EYA2: variants seen among roughly 807,000 people sequenced by gnomAD.
The protein encoded by EYA2 is EYA transcriptional coactivator and phosphatase 2.
In EYA2, 31 loss-of-function variants were observed where a neutral mutation model predicts 69.2. The ratio of observed to expected loss-of-function variants is 0.45; its 90% confidence interval spans 0.34 to 0.60. EYA2 has a LOEUF of 0.60. Ranked by LOEUF, EYA2 falls within the 20% of genes least tolerant of loss-of-function variation. The probability of loss-of-function intolerance (pLI) is 0.02; values close to 1 mark genes in which losing one functional copy is unlikely to be tolerated. For missense variants in EYA2, 622 were observed against 701.2 expected (o/e 0.89, Z 1.28); for synonymous variants, 257 against 279.4 (o/e 0.92, Z 0.80).
chr20:47,074,466 C>T (rs1407738350), intron 7 of EYA2, 131 bp downstream of exon 7: 12 of 960,858 alleles, frequency 1.2e-5, no homozygotes, highest in Non-Finnish European at 1.5e-5. Context: ...GGCCTGAGAG[C>T]TTCTCTGAAG....
chr20:47,086,967 A>G (rs73125545), intron 7 of EYA2, among the ~76,000 whole-genome samples: 1,761 of 152,274 alleles, frequency 0.012, 11 homozygotes, highest in Non-Finnish European at 0.02. Context: ...TAAACTACCA[A>G]GTGAACCAGG....
At chr20:47,176,953 G>A (rs1028819953) in intron 12 of EYA2, among the ~76,000 whole-genome samples, 8 of 151,566 alleles carry the variant, frequency 5.3e-5, no homozygotes, top group Admixed American at 3.9e-4. Flanking sequence ...CACCACACCC[G>A]GCTAATTTTT....
chr20:47,062,602 T>A lies in EYA2; in HGVS notation c.416-9583T>A, dbSNP rs1451163019. ...TTTCGAACTGAAAATATTTTGAAGA[T>A]CCCAAATCTCACCCAGATTCTGAGC... On this transcript the variant is annotated intron_variant, in intron 5 of 15. Coordinates refer to ENST00000327619, the MANE Select transcript of EYA2 (RefSeq NM_005244.5). Among the ~76,000 whole-genome samples the A allele has an allele frequency of 2.0e-5, 3 of 152,060 alleles. No individual in the cohort carries two copies. In the East Asian group the frequency reaches 5.8e-4, roughly 29 times the overall value.
chr20:47,027,368 A>C (rs1267423756), intron 5 of EYA2, among the ~76,000 whole-genome samples: 1 of 152,134 alleles, frequency 6.6e-6, no homozygotes, highest in Non-Finnish European at 1.5e-5. Context: ...CGAGTTCCCT[A>C]ATGTGAATCA....
At chr20:47,079,889 T>C (rs928831418) in intron 7 of EYA2, among the ~76,000 whole-genome samples, 11 of 152,252 alleles carry the variant, frequency 7.2e-5, no homozygotes, top group Admixed American at 7.2e-4. Flanking sequence ...TTTACTCATA[T>C]TCCATAAGGA....
At chr20:47,026,964 G>A (rs1039416725) in intron 5 of EYA2, among the ~76,000 whole-genome samples, 12 of 151,890 alleles carry the variant, frequency 7.9e-5, no homozygotes, top group Non-Finnish European at 1.5e-4. Flanking sequence ...ATACAAACAC[G>A]TATAAGGCTG....
chr20:47,071,632 G>A (rs2031317478), intron 5 of EYA2, among the ~76,000 whole-genome samples: 1 of 152,104 alleles, frequency 6.6e-6, no homozygotes, highest in South Asian at 2.1e-4. Flanking sequence ...CCAGGATCTG[G>A]GTAGTGGGCA....
At chr20:46,943,125 G>A (rs563739447) in intron 1 of EYA2, among the ~76,000 whole-genome samples, 53 of 152,290 alleles carry the variant, frequency 3.5e-4, no homozygotes, top group African/African-American at 9.9e-4. Context: ...CTCTGCCCCC[G>A]AGGGGACATT....
intron 10 of EYA2, among the ~76,000 whole-genome samples, chr20:47,146,404 A>G (rs1253421589): frequency 6.6e-6 from 1 of 151,814 alleles, no homozygotes; most frequent in Admixed American, 6.6e-5. Context: ...GTCTTGCCCC[A>G]CTCTGCTGTT....
At chr20:47,111,106 A>G (rs1396756752) in intron 9 of EYA2, among the ~76,000 whole-genome samples, 2 of 152,250 alleles carry the variant, frequency 1.3e-5, no homozygotes, top group Non-Finnish European at 2.9e-5. Context: ...CTTCCAGAGA[A>G]TAAATGACAG....
At chr20:47,158,724 G>T (rs752357583) in intron 10 of EYA2, among the ~76,000 whole-genome samples, 1 of 151,964 alleles carries the variant, frequency 6.6e-6, no homozygotes, top group Non-Finnish European at 1.5e-5. Flanking sequence ...GCACCGTAAA[G>T]TAAGGAATTG....
Position 47,089,330 on chromosome 20 carries a change from C to A in EYA2, c.753C>A (p.Gly251=). Residue 251 remains glycine (G), a synonymous_variant, in exon 8 of 16, where the codon GGC becomes GGA. Transcript: ENST00000327619. ...PHRASDGKLR[G]RSKRSSDPSP... is the part of the protein sequence containing the mutation. ...GGGCCTCCGACGGGAAGCTCCGAGG[C>A]CGGTCTAAGAGGAGCAGTGACCCGT... 1.9e-6 allele frequency: 3 copies of A among 1,614,118 alleles called. 1 individual carries two copies. In the South Asian group the frequency reaches 3.3e-5, roughly 18 times the overall value.
intron 4 of EYA2, among the ~76,000 whole-genome samples, chr20:47,015,534 TAC>T (rs1983355174): frequency 6.6e-6 from 1 of 152,138 alleles, no homozygotes; most frequent in South Asian, 2.1e-4. Flanking sequence ...ATTTAAGCCA[TAC>T]ACAGCACTAC....
chr20:46,944,963 G>T (rs1390773373), intron 1 of EYA2, among the ~76,000 whole-genome samples: 1 of 152,068 alleles, frequency 6.6e-6, no homozygotes, highest in Non-Finnish European at 1.5e-5. Context: ...AATTAGCCAG[G>T]CGCGGTGGTG....
chr20:46,929,000 C>G (rs1459265148), intron 1 of EYA2, among the ~76,000 whole-genome samples: 1 of 152,126 alleles, frequency 6.6e-6, no homozygotes, highest in Non-Finnish European at 1.5e-5. Flanking sequence ...CTGCCAACAG[C>G]TACTTTTAGC....
At chr20:47,089,051 G>A (rs2031987868) in intron 7 of EYA2, among the ~76,000 whole-genome samples, 188 bp from the exon 8 acceptor site, 1 of 152,192 alleles carries the variant, frequency 6.6e-6, no homozygotes, top group African/African-American at 2.4e-5. Context: ...ATGGATGAAA[G>A]ATAATGAAGG....
intron 8 of EYA2, 125 bp downstream of exon 8, chr20:47,089,506 G>A (rs373339877): frequency 8.8e-7 from 1 of 1,133,132 alleles, no homozygotes; most frequent in Non-Finnish European, 1.2e-6. Context: ...TACAAAGCAT[G>A]AGCAGGGAAG....
At chr20:46,912,247 T>C (rs1984678080) in intron 1 of EYA2, among the ~76,000 whole-genome samples, 1 of 152,238 alleles carries the variant, frequency 6.6e-6, no homozygotes, top group Admixed American at 6.5e-5. Context: ...TCGCAACTGC[T>C]AACCGTGGTC....
intron 10 of EYA2, among the ~76,000 whole-genome samples, chr20:47,144,848 A>C (rs934359822): frequency 2.0e-5 from 3 of 152,242 alleles, no homozygotes; most frequent in African/African-American, 7.2e-5. Flanking sequence ...CTTCACGATG[A>C]CGTCTATGGC....
Sources: gnomAD v4.1 joint callset for allele counts (sites outside exome capture counted in the v4.1 genomes callset) on GRCh38, gnomAD v4.1.1 for gene constraint, MANE v1.5 for transcripts, NCBI Gene and HGNC (gene_info 2026-07-23, HGNC 2026-07-21) for gene names.